Variants in NNT observed in about 807,000 individuals in gnomAD.
NNT encodes nicotinamide nucleotide transhydrogenase.
NNT carries 50 observed loss-of-function variants against 104.8 expected under a neutral mutation model. The observed-to-expected ratio is 0.48, with a 90% CI of 0.38 to 0.60. The LOEUF (loss-of-function observed/expected upper bound fraction) is 0.60. NNT is among the 20% of genes least tolerant of loss of function. The pLI is 0.00. For missense variants in NNT, 1,131 were observed against 1,330.7 expected, an observed-to-expected ratio of 0.85 and a Z score of 2.33; for synonymous variants, 461 against 490.4, an observed-to-expected ratio of 0.94 and a Z score of 0.79.
intron 17 of NNT, among the ~76,000 whole-genome samples, chr5:43,666,578 C>T (rs1371895234): frequency 4.0e-5 from 5 of 126,226 alleles, no homozygotes; most frequent in African/African-American, 9.1e-5. Flanking sequence ...AGGGGGAGAC[C>T]GAGCAGAGAG....
At chr5:43,666,777 C>T (rs1740721106) in intron 17 of NNT, 7 of 1,301,146 alleles carry the variant, frequency 5.4e-6, no homozygotes, top group African/African-American at 4.4e-5. Flanking sequence ...ACTCTGAAGG[C>T]TTTGTAGGGG....
chr5:43,638,488 C>G (rs75032978), intron 7 of NNT, among the ~76,000 whole-genome samples: 1 of 152,082 alleles, frequency 6.6e-6, no homozygotes, highest in East Asian at 1.9e-4. Flanking sequence ...TTTACCTGCT[C>G]TATTTTACAT....
intron 6 of NNT, among the ~76,000 whole-genome samples, chr5:43,626,692 A>G (rs918931631): frequency 1.3e-5 from 2 of 151,708 alleles, no homozygotes; most frequent in South Asian, 2.1e-4. Context: ...TCTATCAGCC[A>G]GATATAATTG....
intron 3 of NNT, among the ~76,000 whole-genome samples, chr5:43,614,025 T>C (rs1341626430): frequency 6.6e-6 from 1 of 152,238 alleles, no homozygotes; most frequent in Non-Finnish European, 1.5e-5. Flanking sequence ...GGGGGTTAAC[T>C]GTAACTCAGC....
intron 3 of NNT, among the ~76,000 whole-genome samples, chr5:43,614,675 T>C (rs745786575): frequency 2.6e-5 from 4 of 152,242 alleles, no homozygotes; most frequent in Non-Finnish European, 5.9e-5. Flanking sequence ...TTTGTGTTTG[T>C]ATTTAAAACA....
At chr5:43,663,531 A>G (rs1466044170) in intron 17 of NNT, among the ~76,000 whole-genome samples, 2 of 152,230 alleles carry the variant, frequency 1.3e-5, no homozygotes, top group African/African-American at 4.8e-5. Flanking sequence ...TTTTTACATT[A>G]ACCTTCGTTG....
At chr5:43,614,985 A>G (rs1260478985) in intron 3 of NNT, among the ~76,000 whole-genome samples, 1 of 150,202 alleles carries the variant, frequency 6.7e-6, no homozygotes, top group East Asian at 1.9e-4. Flanking sequence ...AAAATACAAA[A>G]AATTAGCCGG....
chr5:43,659,485 C>A, intron 17 of NNT, 135 bp downstream of exon 17: 1 of 685,736 alleles, frequency 1.5e-6, no homozygotes, highest in Non-Finnish European at 2.3e-6. Flanking sequence ...AATCCCAGCA[C>A]TTTAGGAGGC....
intron 14 of NNT, among the ~76,000 whole-genome samples, chr5:43,655,105 A>T (rs1739967579): frequency 6.6e-6 from 1 of 152,168 alleles, no homozygotes; most frequent in Admixed American, 6.5e-5. Flanking sequence ...GGTCTTCTTC[A>T]TGTTCCAGGT....
intron 17 of NNT, 123 bp downstream of exon 17, chr5:43,659,473 G>A: frequency 1.2e-6 from 1 of 801,012 alleles, no homozygotes; most frequent in Non-Finnish European, 1.9e-6. Flanking sequence ...GCTCACACCT[G>A]TAATCCCAGC....
intron 19 of NNT, among the ~76,000 whole-genome samples, chr5:43,695,896 A>G (rs755115434): frequency 1.3e-5 from 2 of 152,172 alleles, no homozygotes; most frequent in Non-Finnish European, 2.9e-5. Context: ...AGAACAGCAC[A>G]GAAAAGACCT....
chr5:43,644,601 G>T lies in NNT; in HGVS notation c.1099-10G>T, dbSNP rs1280932600. The T allele has an allele frequency of 6.9e-6, 11 of 1,594,766 alleles. No homozygotes were observed. Among genetic ancestry groups the T allele is most frequent in the Non-Finnish European group, 9.4e-6 (11 of 1,172,038 alleles). On this transcript the variant is annotated splice_polypyrimidine_tract_variant and intron_variant, in intron 8 of 21. Coordinates refer to ENST00000344920, the MANE Select transcript of NNT (RefSeq NM_182977.3). ...GATAGACCTTTTTGACTATAATTTT[G>T]TTCATTTAGGGAATTACTCACATAG...
intron 17 of NNT, among the ~76,000 whole-genome samples, chr5:43,662,282 T>C (rs1740410751): frequency 1.3e-5 from 2 of 152,228 alleles, no homozygotes. Flanking sequence ...ACAGTAACTC[T>C]TCTGTAACAC....
At chr5:43,638,035 G>A (rs1191827022) in intron 7 of NNT, among the ~76,000 whole-genome samples, 4 of 152,160 alleles carry the variant, frequency 2.6e-5, no homozygotes. Context: ...AACCAAGGGG[G>A]CAGTTTCCCC....
rs948839686 is a variant in NNT, at chr5:43,615,881, G to A, written c.415G>A (p.Val139Ile). 6.2e-7 allele frequency: 1 copy of A among 1,614,126 alleles called. No homozygotes were observed. The highest frequency in any genetic ancestry group is 1.1e-5 in the South Asian group (1 of 91,082). ...RAPMVNPTLG[V>I]HEADLLKTSG... ...CCCTATGGTTAATCCAACATTAGGT[G>A]TTCATGAAGCTGACCTTTTAAAGAC... is the stretch of plus-strand genomic sequence containing the variant. Residue 139 changes from valine (V) to isoleucine (I), a missense_variant, in exon 4 of 22, where the codon GTT (valine) becomes ATT (isoleucine). By Grantham distance (29) the Val-to-Ile change is conservative. Transcript: ENST00000344920.
chr5:43,660,723 G>A (rs760322199), intron 17 of NNT, among the ~76,000 whole-genome samples: 1 of 152,158 alleles, frequency 6.6e-6, no homozygotes, highest in Non-Finnish European at 1.5e-5. Flanking sequence ...AGCGGAGAAG[G>A]GGAGAGAGTG....
intron 17 of NNT, among the ~76,000 whole-genome samples, chr5:43,664,587 T>G (rs1254622687): frequency 2.0e-5 from 3 of 152,220 alleles, no homozygotes; most frequent in African/African-American, 7.2e-5. Context: ...TTCTCTTTAA[T>G]GTAGAATGCA....
intron 1 of NNT, among the ~76,000 whole-genome samples, chr5:43,607,680 T>C (rs367795276): frequency 2.6e-5 from 4 of 152,202 alleles, no homozygotes; most frequent in African/African-American, 9.6e-5. Context: ...CTTGAACTGC[T>C]GAACTCAGGC....
intron 7 of NNT, among the ~76,000 whole-genome samples, chr5:43,637,666 G>A (rs1751006315): frequency 6.6e-6 from 1 of 152,168 alleles, no homozygotes; most frequent in African/African-American, 2.4e-5. Context: ...AGGCTCCAGT[G>A]TGTACAACAC....
Sources: gnomAD v4.1 joint callset for allele counts (sites outside exome capture counted in the v4.1 genomes callset) on GRCh38, gnomAD v4.1.1 for gene constraint, MANE v1.5 for transcripts, NCBI Gene and HGNC (gene_info 2026-07-23, HGNC 2026-07-21) for gene names.